SKIDA1: variants seen among roughly 807,000 people sequenced by gnomAD.
SKIDA1 encodes SKI/DACH domain containing 1.
In SKIDA1, 18 loss-of-function variants were observed where a neutral mutation model predicts 51.4. The observed-to-expected ratio is 0.35, with a 90% confidence interval of 0.24 to 0.52. The LOEUF (loss-of-function observed/expected upper bound fraction) is 0.52. Ranked by LOEUF, SKIDA1 falls within the 20% of genes least tolerant of loss-of-function variation. SKIDA1 has a pLI of 0.95. For synonymous variants in SKIDA1, 579 were observed against 500.5 expected, an observed-to-expected ratio of 1.16 and a Z score of -2.09; for missense variants, 1,104 against 1,180.6, an observed-to-expected ratio of 0.94 and a Z score of 0.95.
intron 1 of SKIDA1, 94 bp downstream of exon 1, chr10:21,525,453 A>C (rs1032635287): frequency 1.3e-5 from 2 of 152,184 alleles, no homozygotes; most frequent in Non-Finnish European, 2.9e-5. Context: ...GAGTCCCCAA[A>C]GCCGTCGAGC....
Position 21,518,120 on chromosome 10 carries a change from G to A in SKIDA1, c.-298C>T. 1 of 338,172 alleles carries A rather than the reference G, an allele frequency of 3.0e-6. No individual in the cohort carries two copies. Among genetic ancestry groups the A allele is most frequent in the Admixed American group, 4.6e-5 (1 of 21,820 alleles). 20.9% of individuals were successfully genotyped at this position (338,172 alleles called of 1,614,324 possible). A position where few individuals can be genotyped will look rare whatever the true frequency, so the allele number is the denominator to read the frequency against. On this transcript the variant is annotated 5_prime_UTR_variant, in exon 4 of 4. Transcript: ENST00000449193. ...CGGTTTCTGATCTGCCAGTGTGTTG[G>A]TCTGAGTCCCCGATGCAGATCAGTA...
chr10:21,517,601 G>A lies in SKIDA1; in HGVS notation c.222C>T (p.Ala74=). 6.2e-7 allele frequency: 1 copy of A among 1,613,880 alleles called. No individual in the cohort carries two copies. The highest frequency in any genetic ancestry group is 8.5e-7 in the Non-Finnish European group (1 of 1,179,828). The change falls in exon 4 of 4, where the codon GCC becomes GCT. Residue 74 remains alanine, a synonymous_variant. Transcript: ENST00000449193. This position sits in a 1 kb window ranked among gnomAD's most constrained non-coding sequence, Gnocchi z 6.9. ...TGAGCGTGCATTTGGCGGCGTGGAAGGCGATGCTGTTAATTGCCTTGAGTT... is the reference window on the plus strand; with the variant it reads ...TGAGCGTGCATTTGGCGGCGTGGAAAGCGATGCTGTTAATTGCCTTGAGTT... ...LRKLKAINSI[A]FHAAKCTLIS... is the part of the protein sequence containing the mutation.
rs1025326661 is a variant in SKIDA1 at position 21,518,574 on chromosome 10, T to G, written c.-752A>C. Reference sequence around the variant, plus strand: ...AAAAACCGCACCGTATATTCGCCTTTAAAGAAATACTGCCTATTTTTTTCG... The same window carrying G: ...AAAAACCGCACCGTATATTCGCCTTGAAAGAAATACTGCCTATTTTTTTCG... On this transcript the variant is annotated 5_prime_UTR_variant, in exon 4 of 4. Coordinates refer to ENST00000449193, the MANE Select transcript of SKIDA1 (RefSeq NM_207371.4). The G allele has an allele frequency of 1.2e-5, 2 of 166,624 alleles. No homozygotes were observed. The highest frequency in any genetic ancestry group is 4.8e-5 in the African/African-American group (2 of 41,338). The allele number at this position is 166,624 out of a possible 1,614,324, so 10.3% of individuals were successfully genotyped here.
In SKIDA1 at chr10:21,516,378, T is replaced by G; in HGVS notation, c.1445A>C (p.Asn482Thr). 6.2e-7 allele frequency: 1 copy of G among 1,613,410 alleles called. No individual in the cohort carries two copies. The highest frequency in any genetic ancestry group is 8.5e-7 in the Non-Finnish European group (1 of 1,179,880). ...CKPPSVQAQA[N>T]FLYHLASAAA... is the part of the protein sequence containing the mutation. ...GGCGGAGGCCAGATGGTACAAGAAG[T>G]TGGCCTGCGCCTGCACGCTGGGAGG... The change falls in exon 4 of 4, where the codon AAC becomes ACC. Residue 482 changes from asparagine to threonine, a missense_variant. Asn to Thr is a moderately conservative substitution (Grantham distance 65, BLOSUM62 0). Around this residue, in one of 3 missense-constraint regions of SKIDA1, gnomAD observed 938 missense variants for 886.4 expected, o/e 1.06. Coordinates refer to ENST00000449193, the MANE Select transcript of SKIDA1 (RefSeq NM_207371.4). The surrounding 1 kb of genome is among the most constrained non-coding windows in gnomAD (Gnocchi z 5.7).
chr10:21,523,844 G>C lies in SKIDA1; in HGVS notation c.-2090C>G, dbSNP rs920210346. The C allele has an allele frequency of 6.7e-6, 1 of 149,392 alleles. No individual in the cohort carries two copies. The highest frequency in any genetic ancestry group is 6.8e-5 in the Admixed American group (1 of 14,770). 9.3% of individuals were successfully genotyped at this position (149,392 alleles called of 1,614,324 possible). On this transcript the variant is annotated 5_prime_UTR_variant, in exon 2 of 4. Transcript: ENST00000449193. ...TCTGGGAGCACTGGAGCCAATCACT[G>C]TCTTTCACTGCTGCAGCTACTGGGA...
At position 21,514,931 on chromosome 10, in the gene SKIDA1, A is replaced by G; in HGVS notation, c.*165T>C. On this transcript the variant is annotated 3_prime_UTR_variant, in exon 4 of 4. Coordinates refer to ENST00000449193, the MANE Select transcript of SKIDA1 (RefSeq NM_207371.4). ...CCACCCTACTCCAGAAAAAAAAAAA[A>G]AAACCCGCAACGGAAAAAAAGTAAT... The G allele has an allele frequency of 1.2e-6, 1 of 814,312 alleles. No homozygotes were observed. Among genetic ancestry groups the G allele is most frequent in the Non-Finnish European group, 1.6e-6 (1 of 628,670 alleles). The allele number at this position is 814,312 out of a possible 1,614,324, so 50.4% of individuals were successfully genotyped here. A position where few individuals can be genotyped will look rare whatever the true frequency, so the allele number is the denominator to read the frequency against.
Position 21,516,269 on chromosome 10 carries a change from C to A in SKIDA1, c.1554G>T (p.Ala518=). ...GGGCCCAGCTCTGCAGATTCCACTC[C>A]GCCGGCGACTCCGCTTTGACACTAC... ...LKSSVKAESP[A]EWNLQSWAPK... The change falls in exon 4 of 4, where the codon GCG becomes GCT. Residue 518 remains alanine (A), a synonymous_variant. Coordinates refer to ENST00000449193, the MANE Select transcript of SKIDA1 (RefSeq NM_207371.4). The surrounding 1 kb of genome is among the most constrained non-coding windows in gnomAD (Gnocchi z 5.7). The A allele has an allele frequency of 6.2e-7, 1 of 1,613,970 alleles. No homozygotes were observed. The highest frequency in any genetic ancestry group is 8.5e-7 in the Non-Finnish European group (1 of 1,179,904).
At chr10:21,525,208 T>C (rs2032657430) in intron 1 of SKIDA1, among the ~76,000 whole-genome samples, 1 of 152,162 alleles carries the variant, frequency 6.6e-6, no homozygotes, top group Admixed American at 6.5e-5. Flanking sequence ...GGTCGAAAAA[T>C]GATCTCATGG....
rs2032223290 is a variant in SKIDA1 at position 21,516,755 on chromosome 10, C to T, written c.1068G>A (p.Pro356=). The T allele has an allele frequency of 1.3e-6, 2 of 1,546,836 alleles. No individual in the cohort carries two copies. The highest frequency in any genetic ancestry group is 1.4e-5 in the African/African-American group (1 of 72,990). The part of the protein sequence containing the change: ...HHHHHHRAQP[P]QQSHHPPHHH... ...GGTGAGGGGGGTGGTGACTCTGCTG[C>T]GGCGGCTGGGCCCGGTGGTGGTGGT... Residue 356 remains proline (P), a synonymous_variant, in exon 4 of 4, where the codon CCG becomes CCA. Coordinates refer to ENST00000449193, the MANE Select transcript of SKIDA1 (RefSeq NM_207371.4). The surrounding 1 kb of genome is among the most constrained non-coding windows in gnomAD (Gnocchi z 5.7).
chr10:21,525,317 G>C (rs1282015947), intron 1 of SKIDA1, among the ~76,000 whole-genome samples: 1 of 152,194 alleles, frequency 6.6e-6, no homozygotes, highest in East Asian at 1.9e-4. Context: ...AAAGGAGAGG[G>C]ATTCGTATTG....
At position 21,514,508 on chromosome 10, in the gene SKIDA1, A is replaced by G. The variant is rs1379967298; in HGVS notation, c.*588T>C. 6.6e-6 allele frequency: 1 copy of G among 152,046 alleles called. No individual in the cohort carries two copies. Among genetic ancestry groups the G allele is most frequent in the Non-Finnish European group, 1.5e-5 (1 of 67,954 alleles). The allele number at this position is 152,046 out of a possible 1,614,324, so 9.4% of individuals were successfully genotyped here. On this transcript the variant is annotated 3_prime_UTR_variant, in exon 4 of 4. Coordinates refer to ENST00000449193, the MANE Select transcript of SKIDA1 (RefSeq NM_207371.4). ...TCTTTCCACTAAAAAAAAAAAAAAA[A>G]AGTTAAGTGCAACTACTCTTGGAGA... is the stretch of plus-strand genomic sequence containing the variant.
intron 1 of SKIDA1, among the ~76,000 whole-genome samples, chr10:21,525,023 G>A (rs2032632926): frequency 6.6e-6 from 1 of 152,162 alleles, no homozygotes; most frequent in Non-Finnish European, 1.5e-5. Context: ...TCTCCACCGC[G>A]CCAGTGTCAG....
Position 21,515,915 on chromosome 10 carries a change from G to C in SKIDA1, c.1908C>G (p.Ser636=). Residue 636 remains serine (S), a synonymous_variant, in exon 4 of 4, where the codon TCC becomes TCG. Coordinates refer to ENST00000449193, the MANE Select transcript of SKIDA1 (RefSeq NM_207371.4). ...CAAATTCAGGACAATGAAGGATTTT[G>C]GAATATTTTTCTGAATTTGCTTCTG... ...SGAEANSEKY[S]KILHCPEFAT... 1 of 1,613,990 alleles carries C rather than the reference G, an allele frequency of 6.2e-7. No individual in the cohort carries two copies.
Position 21,523,773 on chromosome 10 carries a change from G to A in SKIDA1, c.-2019C>T, listed in dbSNP as rs560826804. 9 of 152,194 alleles carry A rather than the reference G, an allele frequency of 5.9e-5. No individual in the cohort carries two copies. The highest frequency in any genetic ancestry group is 2.2e-4 in the African/African-American group (9 of 41,512). The allele number at this position is 152,194 out of a possible 1,614,324, so 9.4% of individuals were successfully genotyped here. On this transcript the variant is annotated 5_prime_UTR_variant, in exon 2 of 4. Transcript: ENST00000449193. ...TGAGGAGCCTGATGGTCTCTGGAAA[G>A]GGAATCCTCTTCTGGTTCTGTTCCC...
rs1325738483 is a variant in SKIDA1 at position 21,513,904 on chromosome 10, A to C, written c.*1192T>G. 4.6e-5 allele frequency: 7 copies of C among 152,136 alleles called. No homozygotes were observed. The allele number at this position is 152,136 out of a possible 1,614,324, so 9.4% of individuals were successfully genotyped here. A position where few individuals can be genotyped will look rare whatever the true frequency, so the allele number is the denominator to read the frequency against. On this transcript the variant is annotated 3_prime_UTR_variant, in exon 4 of 4. Coordinates refer to ENST00000449193, the MANE Select transcript of SKIDA1 (RefSeq NM_207371.4). ...GTCACTATCAAGAGTTCGGCCATGAAATATTCTGCTATTACGAGAAATATT... is the reference window on the plus strand; with the variant it reads ...GTCACTATCAAGAGTTCGGCCATGACATATTCTGCTATTACGAGAAATATT...
Position 21,515,504 on chromosome 10 carries a change from A to T in SKIDA1, c.2319T>A (p.Phe773Leu), listed in dbSNP as rs756796805. The T allele has an allele frequency of 6.2e-7, 1 of 1,614,032 alleles. No homozygotes were observed. The highest frequency in any genetic ancestry group is 1.1e-5 in the South Asian group (1 of 91,086). ...SPKPEDGEYK[F>L]GARVRKNYRT... is the part of the protein sequence containing the mutation. ...GGTAATTTTTTCTCACCCTGGCACC[A>T]AATTTATATTCCCCATCCTCAGGTT... The change falls in exon 4 of 4, where the codon TTT (phenylalanine) becomes TTA (leucine). Residue 773 changes from phenylalanine to leucine, a missense_variant. Physicochemically the swap from Phe to Leu is conservative, Grantham distance 22 (BLOSUM62 0). Around this residue, in one of 3 missense-constraint regions of SKIDA1, gnomAD observed 112 missense variants for 168.3 expected, o/e 0.67. Coordinates refer to ENST00000449193, the MANE Select transcript of SKIDA1 (RefSeq NM_207371.4).
chr10:21,524,116 GCTTA>G (rs970112697), intron 1 of SKIDA1, among the ~76,000 whole-genome samples: 3 of 152,050 alleles, frequency 2.0e-5, no homozygotes, highest in Non-Finnish European at 4.4e-5. Flanking sequence ...ACTTTGAAAA[GCTTA>G]CTTTTCACTT....
At chr10:21,520,955 A>T (rs2032376727) in intron 3 of SKIDA1, among the ~76,000 whole-genome samples, 1 of 152,054 alleles carries the variant, frequency 6.6e-6, no homozygotes, top group South Asian at 2.1e-4. Flanking sequence ...CTACTATTAC[A>T]CATCTTTCTT....
Position 21,517,294 on chromosome 10 carries a change from G to T in SKIDA1, c.529C>A (p.Pro177Thr). ...AHLPQIFSKY[P>T]GSHYPEIVRS... ...ACGATCTCCGGGTAGTGCGAGCCGG[G>T]GTATTTGCTAAAAATCTGAGGTAGA... The change falls in exon 4 of 4, where the codon CCC becomes ACC. Residue 177 changes from proline (P) to threonine (T), a missense_variant. By Grantham distance (38) the Pro-to-Thr change is conservative. This residue lies in a region of SKIDA1 where 938 missense variants were observed against 886.4 expected (regional missense o/e 1.06). Transcript: ENST00000449193. The surrounding 1 kb of genome is among the most constrained non-coding windows in gnomAD (Gnocchi z 6.9). 2.0e-6 allele frequency: 3 copies of T among 1,467,120 alleles called. No homozygotes were observed. The highest frequency in any genetic ancestry group is 1.8e-6 in the Non-Finnish European group (2 of 1,106,858). 90.9% of individuals were successfully genotyped at this position (1,467,120 alleles called of 1,614,324 possible). A position where few individuals can be genotyped will look rare whatever the true frequency, so the allele number is the denominator to read the frequency against.
Sources: allele counts gnomAD v4.1 joint callset (sites outside exome capture counted in the v4.1 genomes callset), GRCh38; gene constraint gnomAD v4.1.1; regional missense constraint gnomAD v4.1.1; non-coding constraint Gnocchi (gnomAD v3.1); transcripts MANE v1.5; gene names NCBI Gene and HGNC (gene_info 2026-07-23, HGNC 2026-07-21).